The following TLL2 variants were observed in gnomAD, a reference collection of about 807,000 sequenced individuals.
TLL2 encodes the protein tolloid like 2.
TLL2 carries 106 observed loss-of-function variants against 123.0 expected under a neutral mutation model. That is an observed-to-expected ratio of 0.86 (90% CI 0.74 to 1.01). The LOEUF (loss-of-function observed/expected upper bound fraction) is 1.01, where lower values mean the gene tolerates loss of function less well. Among genes scored for constraint, TLL2 ranks in the 50% least tolerant of loss-of-function variants. The pLI, the probability that TLL2 is intolerant of heterozygous loss-of-function variation, is 0.00. For synonymous variants in TLL2, 494 were observed against 516.8 expected (o/e 0.96, Z 0.60); for missense variants, 1,332 against 1,336.7 (o/e 1.00, Z 0.06).
rs148746719 is a variant in TLL2, at chr10:96,375,172, T to C, written c.2449-1363A>G. 5.1e-3 allele frequency: 770 copies of C among 152,378 alleles called. 4 individuals carry two copies. The highest frequency in any genetic ancestry group is 0.011 in the Admixed American group (171 of 15,304). 9.4% of individuals were successfully genotyped at this position (152,378 alleles called of 1,614,324 possible). ...GTAGAGACACGGGACAGGGGAGCAG[T>C]GGCACCGGGACGGCCATGCAGTGGA... On this transcript the variant is annotated intron_variant, in intron 18 of 20. Coordinates refer to ENST00000357947, the MANE Select transcript of TLL2 (RefSeq NM_012465.4).
intron 8 of TLL2, among the ~76,000 whole-genome samples, chr10:96,411,257 CAAAAAAAAAAAAAAAA>C (rs56011735): frequency 1.9e-4 from 18 of 95,162 alleles, no homozygotes; most frequent in Non-Finnish European, 2.9e-4. Flanking sequence ...GACTCTGTCT[CAAAAAAAAAAAAAAAA>C]AAAAAAAAAA....
At chr10:96,461,021 G>A (rs890886097) in intron 2 of TLL2, among the ~76,000 whole-genome samples, 6 of 152,100 alleles carry the variant, frequency 3.9e-5, no homozygotes, top group African/African-American at 1.2e-4. Context: ...TTCTGTTACC[G>A]CAGCCCAAAC....
At chr10:96,481,438 T>C (rs140436817) in intron 1 of TLL2, among the ~76,000 whole-genome samples, 18 of 152,310 alleles carry the variant, frequency 1.2e-4, no homozygotes, top group African/African-American at 3.6e-4. Flanking sequence ...TCTTCTGAGA[T>C]TCATGGGCAT....
intron 16 of TLL2, among the ~76,000 whole-genome samples, chr10:96,382,761 A>G (rs937194176): frequency 2.0e-5 from 3 of 152,246 alleles, no homozygotes; most frequent in Non-Finnish European, 4.4e-5. Context: ...TGGACTTCCC[A>G]GCCTCCAGAT....
In TLL2 at chr10:96,368,125, C is replaced by T; in HGVS notation, c.3011G>A (p.Ser1004Asn). ...GTGCAGGGCATCCTGGAACTTGGTG[C>T]TGGTGTATCGGGCATGAAAGCCTTT... The part of the protein sequence containing the change: ...NKKGFHARYT[S>N]TKFQDALHMK... Residue 1004 changes from serine to asparagine, a missense_variant, in exon 21 of 21, where the codon AGC becomes AAC. Coordinates refer to ENST00000357947, the MANE Select transcript of TLL2 (RefSeq NM_012465.4). The T allele has an allele frequency of 6.2e-7, 1 of 1,614,188 alleles. No individual in the cohort carries two copies. The highest frequency in any genetic ancestry group is 8.5e-7 in the Non-Finnish European group (1 of 1,180,036).
At chr10:96,502,464 T>C (rs1340693162) in intron 1 of TLL2, among the ~76,000 whole-genome samples, 2 of 152,102 alleles carry the variant, frequency 1.3e-5, no homozygotes, top group African/African-American at 2.4e-5. Flanking sequence ...GCAGTGGGGA[T>C]GGAGAGAAGT....
intron 2 of TLL2, among the ~76,000 whole-genome samples, chr10:96,478,076 G>A (rs1377456214): frequency 1.3e-5 from 2 of 152,240 alleles, no homozygotes; most frequent in Non-Finnish European, 2.9e-5. Context: ...GGAGAAGGCA[G>A]GGCTGCTGGG....
chr10:96,487,727 C>T (rs977655658), intron 1 of TLL2, among the ~76,000 whole-genome samples: 6 of 152,188 alleles, frequency 3.9e-5, no homozygotes, highest in Admixed American at 3.9e-4. Context: ...AAGAGAATGA[C>T]TCGCCTGGGG....
At chr10:96,458,819 G>A (rs962523495) in intron 2 of TLL2, among the ~76,000 whole-genome samples, 3 of 151,882 alleles carry the variant, frequency 2.0e-5, no homozygotes, top group Admixed American at 1.3e-4. Context: ...ATTTGGCCAG[G>A]AGCAGTGGCT....
At chr10:96,418,273 A>G (rs1846584371) in intron 7 of TLL2, among the ~76,000 whole-genome samples, 1 of 152,202 alleles carries the variant, frequency 6.6e-6, no homozygotes, top group African/African-American at 2.4e-5. Flanking sequence ...CTGGTGCTGG[A>G]AGATCCTCTG....
At position 96,432,742 on chromosome 10, in the gene TLL2, G is replaced by A. The variant is rs966693506; in HGVS notation, c.520+65C>T. 10 of 1,567,920 alleles carry A rather than the reference G, an allele frequency of 6.4e-6. No individual in the cohort carries two copies. The Admixed American group carries it at 1.8e-4, about 28-fold the overall frequency. ...ATCCCACCCGGGTCCTTCCTAGAAG[G>A]ACTCTCTCAACCCAGGGAGACAAAG... On this transcript the variant is annotated intron_variant, in intron 4 of 20. Coordinates refer to ENST00000357947, the MANE Select transcript of TLL2 (RefSeq NM_012465.4).
In TLL2 at chr10:96,405,266, G is replaced by C. The variant is rs780508315; in HGVS notation, c.1233C>G (p.Val411=). The C allele has an allele frequency of 6.2e-7, 1 of 1,614,128 alleles. No homozygotes were observed. The highest frequency in any genetic ancestry group is 1.1e-5 in the South Asian group (1 of 91,072). The change falls in exon 10 of 21, where the codon GTC becomes GTG. Residue 411 remains valine, a synonymous_variant. Coordinates refer to ENST00000357947, the MANE Select transcript of TLL2 (RefSeq NM_012465.4). ...SRLCWYDYVE[V]RDGYWRKAPL... ...GGGCTTTTCTCCAGTAACCATCCCGGACCTCCACGTAATCATACCAGCACA... is the reference window on the plus strand; with the variant it reads ...GGGCTTTTCTCCAGTAACCATCCCGCACCTCCACGTAATCATACCAGCACA...
chr10:96,409,615 G>A (rs1490109209), intron 9 of TLL2, among the ~76,000 whole-genome samples: 2 of 152,200 alleles, frequency 1.3e-5, no homozygotes, highest in African/African-American at 4.8e-5. Flanking sequence ...AACAGTACGT[G>A]CCCTGCAGTA....
chr10:96,366,668 C>T lies in TLL2; in HGVS notation c.*1420G>A, dbSNP rs1031953293. ...TGTTTAAAATGATGCTGATTCATCCCAAAGGAATTCCGGTGCATGGGAGCT... is the reference window on the plus strand; with the variant it reads ...TGTTTAAAATGATGCTGATTCATCCTAAAGGAATTCCGGTGCATGGGAGCT... On this transcript the variant is annotated 3_prime_UTR_variant, in exon 21 of 21. Transcript: ENST00000357947. The T allele has an allele frequency of 6.6e-6, 1 of 152,444 alleles. No homozygotes were observed. The highest frequency in any genetic ancestry group is 2.4e-5 in the African/African-American group (1 of 41,446). 9.4% of individuals were successfully genotyped at this position (152,444 alleles called of 1,614,324 possible). A position where few individuals can be genotyped will look rare whatever the true frequency, so the allele number is the denominator to read the frequency against.
intron 10 of TLL2, among the ~76,000 whole-genome samples, chr10:96,404,416 G>A (rs1376469346): frequency 6.6e-6 from 1 of 152,096 alleles, no homozygotes. Flanking sequence ...GGAAAATATA[G>A]CTAAACCAAG....
chr10:96,373,996 C>G, intron 18 of TLL2, 187 bp from the exon 19 acceptor site: 1 of 595,062 alleles, frequency 1.7e-6, no homozygotes, highest in East Asian at 2.8e-5. Context: ...CTCCGCCTTG[C>G]TTTTGGTCCA....
At chr10:96,475,087 A>T (rs930842521) in intron 2 of TLL2, among the ~76,000 whole-genome samples, 1 of 152,238 alleles carries the variant, frequency 6.6e-6, no homozygotes, top group East Asian at 1.9e-4. Context: ...TTACATTCTG[A>T]GGTTCCAGGT....
intron 2 of TLL2, among the ~76,000 whole-genome samples, chr10:96,464,495 A>C (rs1400582561): frequency 6.6e-6 from 1 of 152,100 alleles, no homozygotes; most frequent in Non-Finnish European, 1.5e-5. Context: ...ACACCCTAGA[A>C]TGTTGGCCTT....
intron 1 of TLL2, among the ~76,000 whole-genome samples, chr10:96,497,771 A>T (rs147462009): frequency 6.6e-6 from 1 of 152,322 alleles, no homozygotes; most frequent in East Asian, 1.9e-4. Flanking sequence ...CATCTGAAAC[A>T]TCTGGGATAA....
Sources: gnomAD v4.1 joint callset for allele counts (sites outside exome capture counted in the v4.1 genomes callset) on GRCh38, gnomAD v4.1.1 for gene constraint, MANE v1.5 for transcripts, NCBI Gene and HGNC (gene_info 2026-07-23, HGNC 2026-07-21) for gene names.